UBE2E3: variants seen among roughly 807,000 people sequenced by gnomAD.
The protein encoded by UBE2E3 is ubiquitin conjugating enzyme E2 E3.
A neutral mutation model predicts 23.6 loss-of-function variants in UBE2E3; 5 were observed. That is an observed-to-expected ratio of 0.21 (90% confidence interval 0.11 to 0.44). The LOEUF is 0.44. Among genes scored for constraint, UBE2E3 ranks in the 20% least tolerant of loss-of-function variants. The pLI is 0.99. For missense variants in UBE2E3, 81 were observed against 249.8 expected (o/e 0.32, Z 4.55); for synonymous variants, 78 against 87.5 (o/e 0.89, Z 0.60).
intron 3 of UBE2E3, among the ~76,000 whole-genome samples, chr2:180,992,744 C>G (rs1157802208): frequency 6.6e-6 from 1 of 152,100 alleles, no homozygotes; most frequent in African/African-American, 2.4e-5. Flanking sequence ...TCACCGCAAC[C>G]TCTGCCTCCC....
At chr2:181,041,234 CAA>C (rs1206207155) in intron 3 of UBE2E3, among the ~76,000 whole-genome samples, 2 of 77,194 alleles carry the variant, frequency 2.6e-5, no homozygotes, top group African/African-American at 1.1e-4. Context: ...GACTCCGTCT[CAA>C]AAAAAAAAAA....
At chr2:181,019,046 C>G (rs976195871) in intron 3 of UBE2E3, among the ~76,000 whole-genome samples, 1 of 152,182 alleles carries the variant, frequency 6.6e-6, no homozygotes, top group Non-Finnish European at 1.5e-5. Context: ...TCACTGCAAC[C>G]TCTGCCTCCC....
chr2:181,047,629 T>G (rs540896298), intron 3 of UBE2E3, among the ~76,000 whole-genome samples: 1 of 152,252 alleles, frequency 6.6e-6, no homozygotes, highest in Non-Finnish European at 1.5e-5. Context: ...TGGTTGATTT[T>G]TGTTTTGTTT....
intron 3 of UBE2E3, among the ~76,000 whole-genome samples, chr2:181,033,437 T>C (rs1252649043): frequency 4.6e-5 from 7 of 152,150 alleles, no homozygotes; most frequent in African/African-American, 1.4e-4. Context: ...GGAAAGGATT[T>C]CCTATTTAAT....
At chr2:181,003,234 G>A (rs1208249204) in intron 3 of UBE2E3, among the ~76,000 whole-genome samples, 1 of 152,200 alleles carries the variant, frequency 6.6e-6, no homozygotes, top group Non-Finnish European at 1.5e-5. Flanking sequence ...GAGATGAAGT[G>A]TTATTTGTTA....
chr2:180,990,328 T>C (rs1684618231), intron 3 of UBE2E3, among the ~76,000 whole-genome samples: 1 of 152,170 alleles, frequency 6.6e-6, no homozygotes, highest in African/African-American at 2.4e-5. Context: ...CAATAAAGAA[T>C]TATCTGGGCC....
At chr2:181,012,238 G>A (rs1175066683) in intron 3 of UBE2E3, among the ~76,000 whole-genome samples, 3 of 152,102 alleles carry the variant, frequency 2.0e-5, no homozygotes, top group Non-Finnish European at 4.4e-5. Context: ...AAATGTACAT[G>A]TATAACAAAG....
chr2:181,012,046 G>C (rs1336613475), intron 3 of UBE2E3, among the ~76,000 whole-genome samples: 2 of 152,112 alleles, frequency 1.3e-5, no homozygotes, highest in Non-Finnish European at 1.5e-5. Flanking sequence ...CTACTGCAAG[G>C]TAGAGTGCTC....
intron 3 of UBE2E3, among the ~76,000 whole-genome samples, chr2:181,028,176 T>C (rs749085400): frequency 3.3e-5 from 5 of 152,130 alleles, no homozygotes; most frequent in Admixed American, 6.6e-5. Flanking sequence ...AATGTAATTA[T>C]TATAATGTAA....
intron 3 of UBE2E3, among the ~76,000 whole-genome samples, chr2:181,017,722 C>G (rs1559122735): frequency 6.9e-6 from 1 of 145,030 alleles, no homozygotes. Flanking sequence ...TTTTGTTTTT[C>G]TTTGTTTGTT....
At position 181,030,779 on chromosome 2, in the gene UBE2E3, G is replaced by T. The variant is rs559902607; in HGVS notation, c.246-26914G>T. ...TGTATAACCAGTATTCACTTAGTCT[G>T]TTCTTTTTAGTAGGTTGAATTTTTC... On this transcript the variant is annotated intron_variant, in intron 3 of 5. Transcript: ENST00000410062. Among the ~76,000 whole-genome samples, 6 of 151,916 alleles carry T rather than the reference G, an allele frequency of 3.9e-5. No homozygotes were observed. In the South Asian group the frequency reaches 6.2e-4, roughly 16 times the overall value.
intron 3 of UBE2E3, among the ~76,000 whole-genome samples, chr2:181,042,337 C>G (rs964558225): frequency 1.3e-5 from 2 of 152,146 alleles, no homozygotes; most frequent in African/African-American, 4.8e-5. Flanking sequence ...AGTTTTCTGA[C>G]TTTAAGTGGC....
chr2:181,030,910 A>T (rs1333420345), intron 3 of UBE2E3, among the ~76,000 whole-genome samples: 1 of 152,140 alleles, frequency 6.6e-6, no homozygotes, highest in Non-Finnish European at 1.5e-5. Flanking sequence ...AATTTAAAAA[A>T]AATTTTAGTT....
intron 4 of UBE2E3, among the ~76,000 whole-genome samples, chr2:181,058,640 C>G (rs1452001033): frequency 6.6e-6 from 1 of 151,648 alleles, no homozygotes; most frequent in Non-Finnish European, 1.5e-5. Flanking sequence ...AAATGTTTTT[C>G]TTTTCCAACA....
At chr2:181,051,653 TA>T in intron 3 of UBE2E3, among the ~76,000 whole-genome samples, 2 of 152,032 alleles carry the variant, frequency 1.3e-5, no homozygotes, top group Middle Eastern at 6.8e-3. Context: ...ATTTTGGTGA[TA>T]TTAATAGTGA....
At chr2:180,996,610 C>G (rs976949675) in intron 3 of UBE2E3, among the ~76,000 whole-genome samples, 22 of 152,174 alleles carry the variant, frequency 1.4e-4, no homozygotes, top group Admixed American at 1.2e-3. Flanking sequence ...ATGCTATGTT[C>G]TGGCCACCAA....
chr2:181,006,350 A>G (rs570322074), intron 3 of UBE2E3, among the ~76,000 whole-genome samples: 1 of 148,518 alleles, frequency 6.7e-6, no homozygotes, highest in Non-Finnish European at 1.5e-5. Context: ...TGTTCAATGT[A>G]TATGCATTCT....
Position 181,016,473 on chromosome 2 carries a change from G to A in UBE2E3, c.245+32380G>A, listed in dbSNP as rs962597259. On this transcript the variant is annotated intron_variant, in intron 3 of 5. Transcript: ENST00000410062. ...ATTGTCACCAACTATGTGGCAGGTC[G>A]TATCATTTTCTTAATATTTCTTATT... Among the ~76,000 whole-genome samples the A allele has an allele frequency of 4.6e-5, 7 of 152,074 alleles. No individual in the cohort carries two copies. In the East Asian group the frequency reaches 5.8e-4, roughly 13 times the overall value.
chr2:181,010,668 A>G (rs1685297457), intron 3 of UBE2E3, among the ~76,000 whole-genome samples: 1 of 152,150 alleles, frequency 6.6e-6, no homozygotes, highest in African/African-American at 2.4e-5. Flanking sequence ...CATTTGTATA[A>G]ACAGTGTTTT....
Sources: allele counts gnomAD v4.1 joint callset (sites outside exome capture counted in the v4.1 genomes callset), GRCh38; gene constraint gnomAD v4.1.1; transcripts MANE v1.5; gene names NCBI Gene and HGNC (gene_info 2026-07-23, HGNC 2026-07-21).